Variants in CNKSR2 observed in about 807,000 individuals in gnomAD.
The protein encoded by CNKSR2 is CNK homolog protein 2.
In CNKSR2, 14 loss-of-function variants were observed where a neutral mutation model predicts 84.4. That is an observed-to-expected ratio of 0.17 (90% confidence interval 0.11 to 0.26). CNKSR2 has a LOEUF of 0.26. CNKSR2 is among the 10% of genes least tolerant of loss of function. The probability of loss-of-function intolerance (pLI) is 1.00; values close to 1 mark genes in which losing one functional copy is unlikely to be tolerated. For synonymous variants in CNKSR2, 275 were observed against 277.9 expected, an observed-to-expected ratio of 0.99 and a Z score of 0.10; for missense variants, 485 against 771.2, an observed-to-expected ratio of 0.63 and a Z score of 4.40.
At chrX:21,640,306 C>T (rs1452388070) in intron 20 of CNKSR2, among the ~76,000 whole-genome samples, 2 of 111,491 alleles carry the variant, frequency 1.8e-5, no homozygotes, top group Non-Finnish European at 3.8e-5. Flanking sequence ...ACCTTGTGCC[C>T]AAGGTTGGAT....
intron 19 of CNKSR2, 46 bp from the exon 20 acceptor site, chrX:21,609,025 T>C: frequency 8.6e-7 from 1 of 1,156,624 alleles, no homozygotes; most frequent in Middle Eastern, 3.4e-4. Flanking sequence ...GGAATGGAAG[T>C]GGTCTGTTAT....
intron 1 of CNKSR2, among the ~76,000 whole-genome samples, chrX:21,415,396 AT>A (rs762554249): frequency 8.0e-4 from 88 of 109,795 alleles, no homozygotes; most frequent in Non-Finnish European, 1.4e-3. Flanking sequence ...TTGTGTGTTA[AT>A]TTTGTATCCT....
At position 21,397,486 on chromosome X, in the gene CNKSR2, T is replaced by C. The variant is rs1216040641; in HGVS notation, c.64+22525T>C. 1.1e-4 allele frequency among the ~76,000 whole-genome samples: 12 copies of C among 110,897 alleles called. No individual in the cohort carries two copies. The Admixed American group carries it at 1.2e-3, about 11-fold the overall frequency. The stretch of plus-strand genomic sequence containing the variant: ...AGCTGTCTATGATACACCAAAAAAG[T>C]ACATTTGATACCACATGTTCTCACT... On this transcript the variant is annotated intron_variant, in intron 1 of 21. Transcript: ENST00000379510.
At chrX:21,435,417 C>G (rs1174819915) in intron 3 of CNKSR2, among the ~76,000 whole-genome samples, 1 of 111,280 alleles carries the variant, frequency 9.0e-6, no homozygotes, top group Non-Finnish European at 1.9e-5. Flanking sequence ...CACAAAAACT[C>G]CAGTTTCAAT....
intron 20 of CNKSR2, among the ~76,000 whole-genome samples, chrX:21,626,265 AAATG>A (rs1267372348): frequency 2.7e-5 from 3 of 109,539 alleles, no homozygotes; most frequent in South Asian, 7.9e-4. Flanking sequence ...AAAAAAAAAA[AAATG>A]GCATCAGCAA....
intron 4 of CNKSR2, among the ~76,000 whole-genome samples, chrX:21,445,986 A>G (rs2090849531): frequency 9.0e-6 from 1 of 111,731 alleles, no homozygotes; most frequent in African/African-American, 3.2e-5. Context: ...GCTGGATCAT[A>G]TGATAGTTCT....
chrX:21,599,922 T>G (rs1166899512), intron 17 of CNKSR2, among the ~76,000 whole-genome samples: 1 of 111,579 alleles, frequency 9.0e-6, no homozygotes. Context: ...CTTCTTGATT[T>G]ATAGCTTATA....
At chrX:21,559,948 A>G (rs2092173095) in intron 11 of CNKSR2, among the ~76,000 whole-genome samples, 1 of 111,866 alleles carries the variant, frequency 8.9e-6, no homozygotes, top group Admixed American at 9.5e-5. Flanking sequence ...ATAAAAAGCC[A>G]TAAGATTGAT....
chrX:21,498,088 A>G (rs1412503507), intron 7 of CNKSR2, among the ~76,000 whole-genome samples: 4 of 111,448 alleles, frequency 3.6e-5, no homozygotes, highest in Non-Finnish European at 1.9e-5. Context: ...TTGTCTTTGT[A>G]TTTTCTGATT....
intron 1 of CNKSR2, among the ~76,000 whole-genome samples, chrX:21,379,508 C>T (rs2089867412): frequency 8.9e-6 from 1 of 111,777 alleles, no homozygotes; most frequent in Non-Finnish European, 1.9e-5. Flanking sequence ...ATATCTTTTC[C>T]ATATGTAGAA....
intron 4 of CNKSR2, among the ~76,000 whole-genome samples, chrX:21,461,181 C>T (rs1601819076): frequency 8.9e-6 from 1 of 112,303 alleles, no homozygotes; most frequent in African/African-American, 3.2e-5. Context: ...TCTCCACATC[C>T]TCACCAGCAT....
At chrX:21,484,393 A>G (rs1054556994) in intron 5 of CNKSR2, among the ~76,000 whole-genome samples, 2 of 112,549 alleles carry the variant, frequency 1.8e-5, no homozygotes, top group Admixed American at 1.9e-4. Flanking sequence ...ATATTTAAAC[A>G]TGTACACAAC....
chrX:21,541,312 T>A (rs1164787838), intron 11 of CNKSR2, among the ~76,000 whole-genome samples: 1 of 111,991 alleles, frequency 8.9e-6, no homozygotes, highest in Non-Finnish European at 1.9e-5. Context: ...TTTTAAAGTA[T>A]GTTATTTAAC....
At chrX:21,598,443 G>T (rs774508427) in intron 17 of CNKSR2, among the ~76,000 whole-genome samples, 1 of 110,852 alleles carries the variant, frequency 9.0e-6, no homozygotes, top group African/African-American at 3.3e-5. Flanking sequence ...ATTATTCTTT[G>T]TCAGTTGTGA....
intron 5 of CNKSR2, among the ~76,000 whole-genome samples, chrX:21,475,432 C>G (rs1034578122): frequency 9.0e-6 from 1 of 111,705 alleles, no homozygotes; most frequent in Admixed American, 9.5e-5. Context: ...ATTGACTAAC[C>G]TAAAGAACAT....
chrX:21,386,784 C>CTATTACA (rs1398394704), intron 1 of CNKSR2, among the ~76,000 whole-genome samples: 3 of 111,447 alleles, frequency 2.7e-5, no homozygotes, highest in African/African-American at 9.8e-5. Context: ...TTTATAAAAG[C>CTATTACA]TATTACAATA....
intron 1 of CNKSR2, among the ~76,000 whole-genome samples, chrX:21,378,701 ATGAC>A (rs1426317848): frequency 1.8e-5 from 2 of 110,397 alleles, no homozygotes; most frequent in East Asian, 5.7e-4. Flanking sequence ...AAATATCCAC[ATGAC>A]TAAGTTATTT....
intron 11 of CNKSR2, among the ~76,000 whole-genome samples, chrX:21,534,392 C>T (rs1449737631): frequency 9.1e-6 from 1 of 110,230 alleles, no homozygotes; most frequent in Non-Finnish European, 1.9e-5. Context: ...TGCTGCAATA[C>T]ACATGGGAGT....
chrX:21,610,718 AT>A (rs1221286952), intron 20 of CNKSR2, among the ~76,000 whole-genome samples: 2 of 111,824 alleles, frequency 1.8e-5, no homozygotes, highest in African/African-American at 3.2e-5. Flanking sequence ...TACAGAATAT[AT>A]TAGTGTAAGT....
Sources: gnomAD v4.1 joint callset for allele counts (sites outside exome capture counted in the v4.1 genomes callset) on GRCh38, gnomAD v4.1.1 for gene constraint, MANE v1.5 for transcripts, NCBI Gene and HGNC (gene_info 2026-07-23, HGNC 2026-07-21) for gene names.